The following SLC39A9 variants were observed in gnomAD, a reference collection of about 807,000 sequenced individuals.
SLC39A9 encodes zinc transporter ZIP9.
A neutral mutation model predicts 28.4 loss-of-function variants in SLC39A9; 14 were observed. That is an observed-to-expected ratio of 0.49 (90% confidence interval 0.33 to 0.77). The LOEUF (loss-of-function observed/expected upper bound fraction) is 0.77, where lower values mean the gene tolerates loss of function less well. Among genes scored for constraint, SLC39A9 ranks in the 30% least tolerant of loss-of-function variants. The probability of loss-of-function intolerance (pLI) is 0.02; values close to 1 mark genes in which losing one functional copy is unlikely to be tolerated. For synonymous variants in SLC39A9, 119 were observed against 149.6 expected (o/e 0.80, Z 1.49); for missense variants, 283 against 381.1 (o/e 0.74, Z 2.14).
chr14:69,458,727 G>A lies in SLC39A9; in HGVS notation c.*134G>A. On this transcript the variant is annotated 3_prime_UTR_variant, in exon 7 of 7. Coordinates refer to ENST00000336643, the MANE Select transcript of SLC39A9 (RefSeq NM_018375.5). Reference sequence around the variant, plus strand: ...ACATGTATTCCTAGAGTCCAGAGGGGAGGTGAGGTTAAAACCTGAGTAATG... The same window carrying A: ...ACATGTATTCCTAGAGTCCAGAGGGAAGGTGAGGTTAAAACCTGAGTAATG... 7.1e-7 allele frequency: 1 copy of A among 1,412,422 alleles called. No homozygotes were observed. The highest frequency in any genetic ancestry group is 9.2e-7 in the Non-Finnish European group (1 of 1,085,094). 87.5% of individuals were successfully genotyped at this position (1,412,422 alleles called of 1,614,324 possible).
chr14:69,457,711 C>G (rs943111154), intron 6 of SLC39A9, among the ~76,000 whole-genome samples: 16 of 152,176 alleles, frequency 1.1e-4, no homozygotes, highest in African/African-American at 3.9e-4. Flanking sequence ...TGAACCAGCA[C>G]TTAAAGTTCG....
chr14:69,423,781 C>T (rs1280996225), intron 1 of SLC39A9, among the ~76,000 whole-genome samples: 1 of 151,882 alleles, frequency 6.6e-6, no homozygotes, highest in African/African-American at 2.4e-5. Context: ...GCCTGTAATC[C>T]CAGCTACCCG....
intron 1 of SLC39A9, among the ~76,000 whole-genome samples, chr14:69,412,002 C>T (rs893117218): frequency 2.0e-5 from 3 of 151,726 alleles, no homozygotes; most frequent in Admixed American, 6.6e-5. Flanking sequence ...AGGATTATCT[C>T]GATCTCTTGA....
intron 2 of SLC39A9, among the ~76,000 whole-genome samples, chr14:69,436,962 G>A (rs1279530703): frequency 6.6e-6 from 1 of 152,062 alleles, no homozygotes; most frequent in African/African-American, 2.4e-5. Context: ...CCGCCTCCCG[G>A]GTTCATGCCA....
chr14:69,451,978 A>G (rs1384900706), intron 3 of SLC39A9, among the ~76,000 whole-genome samples: 1 of 152,044 alleles, frequency 6.6e-6, no homozygotes, highest in Non-Finnish European at 1.5e-5. Flanking sequence ...GACCTCCCAG[A>G]CTGCTGAGAT....
At chr14:69,442,615 C>T (rs1885102452) in intron 3 of SLC39A9, among the ~76,000 whole-genome samples, 1 of 152,142 alleles carries the variant, frequency 6.6e-6, no homozygotes, top group Admixed American at 6.5e-5. Context: ...AAACATAGTA[C>T]ATAAGATCAA....
At position 69,460,592 on chromosome 14, in the gene SLC39A9, T is replaced by C. The variant is rs1336580744; in HGVS notation, c.*1999T>C. On this transcript the variant is annotated 3_prime_UTR_variant, in exon 7 of 7. Coordinates refer to ENST00000336643, the MANE Select transcript of SLC39A9 (RefSeq NM_018375.5). Reference sequence around the variant, plus strand: ...AGTAGTGCTTTCTATCATATTGTTGTGTGCAATGGTAATTTGTTCTACTGG... The same window carrying C: ...AGTAGTGCTTTCTATCATATTGTTGCGTGCAATGGTAATTTGTTCTACTGG... 1.0e-6 allele frequency: 1 copy of C among 985,340 alleles called. No homozygotes were observed. Among genetic ancestry groups the C allele is most frequent in the Non-Finnish European group, 1.2e-6 (1 of 829,932 alleles). 61.0% of individuals were successfully genotyped at this position (985,340 alleles called of 1,614,324 possible). A position where few individuals can be genotyped will look rare whatever the true frequency, so the allele number is the denominator to read the frequency against.
intron 1 of SLC39A9, among the ~76,000 whole-genome samples, chr14:69,416,657 C>A (rs571802096): frequency 6.6e-6 from 1 of 152,122 alleles, no homozygotes; most frequent in Admixed American, 6.5e-5. Context: ...TTTTATTGAT[C>A]GCCATTCTAA....
chr14:69,446,469 G>T (rs1036935544), intron 3 of SLC39A9, among the ~76,000 whole-genome samples: 12 of 151,780 alleles, frequency 7.9e-5, no homozygotes, highest in African/African-American at 2.4e-5. Flanking sequence ...GAAGATGGGA[G>T]CATGTCATAG....
At chr14:69,454,724 C>G (rs1885778958) in intron 4 of SLC39A9, 88 bp from the exon 5 acceptor site, 1 of 1,037,750 alleles carries the variant, frequency 9.6e-7, no homozygotes, top group Non-Finnish European at 1.5e-6. Context: ...CCAGCTGGAC[C>G]TGACTGTAAA....
At chr14:69,406,641 T>C (rs2140247980) in intron 1 of SLC39A9, among the ~76,000 whole-genome samples, 1 of 150,080 alleles carries the variant, frequency 6.7e-6, no homozygotes, top group South Asian at 2.1e-4. Flanking sequence ...TGAGCTGAGA[T>C]TGTACCATGG....
Position 69,461,121 on chromosome 14 carries a change from G to A in SLC39A9, c.*2528G>A. ...AAACATTGGCAATACTTAAGTTGCT[G>A]CCATGATTACAGATGGAATTATTGG... On this transcript the variant is annotated 3_prime_UTR_variant, in exon 7 of 7. Coordinates refer to ENST00000336643, the MANE Select transcript of SLC39A9 (RefSeq NM_018375.5). 1 of 986,904 alleles carries A rather than the reference G, an allele frequency of 1.0e-6. No individual in the cohort carries two copies. Among genetic ancestry groups the A allele is most frequent in the Non-Finnish European group, 1.2e-6 (1 of 830,932 alleles). The allele number at this position is 986,904 out of a possible 1,614,324, so 61.1% of individuals were successfully genotyped here. A position where few individuals can be genotyped will look rare whatever the true frequency, so the allele number is the denominator to read the frequency against.
In SLC39A9 at chr14:69,461,357, TC is replaced by T; in HGVS notation, c.*2765del. On this transcript the variant is annotated 3_prime_UTR_variant, in exon 7 of 7. Coordinates refer to ENST00000336643, the MANE Select transcript of SLC39A9 (RefSeq NM_018375.5). Reference sequence around the variant, plus strand: ...CAGTTAATTGCTTGTCAGTTCCATTTCAAGAAAGCAGTGATGTTCCAGGTTT... The same window carrying T: ...CAGTTAATTGCTTGTCAGTTCCATTTAAGAAAGCAGTGATGTTCCAGGTTT... The T allele has an allele frequency of 9.0e-7, 1 of 1,115,272 alleles. No individual in the cohort carries two copies. The allele number at this position is 1,115,272 out of a possible 1,614,324, so 69.1% of individuals were successfully genotyped here.
intron 2 of SLC39A9, among the ~76,000 whole-genome samples, chr14:69,438,154 T>C (rs969284424): frequency 6.6e-6 from 1 of 151,650 alleles, no homozygotes; most frequent in African/African-American, 2.4e-5. Context: ...CCCTAGTAGT[T>C]GGGATTACAG....
chr14:69,422,518 C>T (rs958703205), intron 1 of SLC39A9, among the ~76,000 whole-genome samples: 1 of 152,162 alleles, frequency 6.6e-6, no homozygotes, highest in African/African-American at 2.4e-5. Flanking sequence ...TTAAACGATC[C>T]TCTGCTTCCA....
Position 69,399,382 on chromosome 14 carries a change from A to G in SLC39A9, c.13A>G (p.Ile5Val). The G allele has an allele frequency of 1.2e-6, 2 of 1,613,886 alleles. No homozygotes were observed. Reference protein sequence around the residue: MDDFISISLLSLAML... With the variant: MDDFVSISLLSLAML... ...AAAGGAGGGCAGAATGGATGATTTC[A>G]TCTCCATTAGCCTGCTGTCTCTGGC... The change falls in exon 1 of 7, where the codon ATC becomes GTC. Residue 5 changes from isoleucine to valine, a missense_variant. Coordinates refer to ENST00000336643, the MANE Select transcript of SLC39A9 (RefSeq NM_018375.5).
At chr14:69,454,764 T>G in intron 4 of SLC39A9, 48 bp from the exon 5 acceptor site, 1 of 1,480,254 alleles carries the variant, frequency 6.8e-7, no homozygotes, top group Non-Finnish European at 9.4e-7. Flanking sequence ...ACACTGTTAT[T>G]GTTGTTGTTG....
chr14:69,427,682 C>T (rs185881685), intron 2 of SLC39A9, among the ~76,000 whole-genome samples: 21 of 152,268 alleles, frequency 1.4e-4, no homozygotes, highest in Admixed American at 9.8e-4. Context: ...ATCATGTAAC[C>T]TTTGGGTCTG....
Position 69,459,876 on chromosome 14 carries a change from A to G in SLC39A9, c.*1283A>G. On this transcript the variant is annotated 3_prime_UTR_variant, in exon 7 of 7. Transcript: ENST00000336643. ...TTCTCGAACTGTAATAATGAAGATA[A>G]TAATATCTTTATTCTTTATCCCCCT... 1 of 983,724 alleles carries G rather than the reference A, an allele frequency of 1.0e-6. No homozygotes were observed. Among genetic ancestry groups the G allele is most frequent in the Non-Finnish European group, 1.2e-6 (1 of 828,392 alleles). 60.9% of individuals were successfully genotyped at this position (983,724 alleles called of 1,614,324 possible). A position where few individuals can be genotyped will look rare whatever the true frequency, so the allele number is the denominator to read the frequency against.
Sources: allele counts gnomAD v4.1 joint callset (sites outside exome capture counted in the v4.1 genomes callset), GRCh38; gene constraint gnomAD v4.1.1; transcripts MANE v1.5; gene names NCBI Gene and HGNC (gene_info 2026-07-23, HGNC 2026-07-21).